Variants in TMEM120B observed in about 807,000 individuals in gnomAD.
TMEM120B encodes transmembrane protein 120B.
In TMEM120B, 31 loss-of-function variants were observed where a neutral mutation model predicts 55.5. That is an observed-to-expected ratio of 0.56 (90% CI 0.42 to 0.75). The LOEUF is 0.75. Among genes scored for constraint, TMEM120B ranks in the 30% least tolerant of loss-of-function variants. TMEM120B has a pLI of 0.00. For missense variants in TMEM120B, 399 were observed against 425.5 expected, an observed-to-expected ratio of 0.94 and a Z score of 0.55; for synonymous variants, 203 against 176.3, an observed-to-expected ratio of 1.15 and a Z score of -1.20.
At chr12:121,751,958 T>G (rs1873344045) in intron 4 of TMEM120B, among the ~76,000 whole-genome samples, 170 bp from the exon 5 acceptor site, 1 of 152,140 alleles carries the variant, frequency 6.6e-6, no homozygotes, top group African/African-American at 2.4e-5. Context: ...TTCCCCTCAT[T>G]GGTCACCACT....
intron 9 of TMEM120B, 74 bp downstream of exon 9, chr12:121,773,587 C>G (rs1874135503): frequency 2.6e-6 from 3 of 1,152,132 alleles, no homozygotes; most frequent in African/African-American, 3.2e-5. Flanking sequence ...GAGTGCAGCC[C>G]TGCGAGCACC....
At chr12:121,717,721 G>A (rs1028946694) in intron 1 of TMEM120B, among the ~76,000 whole-genome samples, 3 of 152,120 alleles carry the variant, frequency 2.0e-5, no homozygotes, top group East Asian at 1.9e-4. Flanking sequence ...GCAGTGGCTC[G>A]ATCTCAGCTC....
intron 5 of TMEM120B, among the ~76,000 whole-genome samples, chr12:121,754,657 A>G (rs541995699): frequency 1.3e-5 from 2 of 152,258 alleles, no homozygotes; most frequent in East Asian, 1.9e-4. Context: ...CTCCTTCCCT[A>G]GTGTAAGGAC....
At chr12:121,730,131 C>T (rs1036826503) in intron 1 of TMEM120B, among the ~76,000 whole-genome samples, 1 of 149,582 alleles carries the variant, frequency 6.7e-6, no homozygotes, top group East Asian at 2.0e-4. Flanking sequence ...TGGTAGCAGG[C>T]GCCTGTAATC....
At chr12:121,758,926 T>G (rs1312410163) in intron 5 of TMEM120B, 1 of 984,198 alleles carries the variant, frequency 1.0e-6, no homozygotes, top group African/African-American at 1.8e-5. Flanking sequence ...GTGGTCACCA[T>G]GGAGGAGGAC....
intron 1 of TMEM120B, among the ~76,000 whole-genome samples, chr12:121,713,615 G>A (rs897178099): frequency 2.0e-5 from 3 of 152,298 alleles, no homozygotes; most frequent in Admixed American, 6.5e-5. Flanking sequence ...CTGGCCCGGA[G>A]CCTTACACGG....
intron 1 of TMEM120B, among the ~76,000 whole-genome samples, chr12:121,735,751 C>T (rs1015203448): frequency 1.3e-5 from 2 of 151,236 alleles, no homozygotes; most frequent in Admixed American, 6.6e-5. Flanking sequence ...AGTGCAGTGG[C>T]GCATTCTCGG....
chr12:121,771,670 G>GA, intron 8 of TMEM120B, 121 bp downstream of exon 8: 1 of 1,034,408 alleles, frequency 9.7e-7, no homozygotes, highest in South Asian at 1.3e-5. Context: ...CAGACTGGGG[G>GA]AGAGGGTCCC....
At position 121,779,420 on chromosome 12, in the gene TMEM120B, G is replaced by A; in HGVS notation, c.*3698G>A. ...ACACCATGAGCTGGAGGGTCGGGAT[G>A]GGGCAGCCTCCCTGGTGCAATCGGC... On this transcript the variant is annotated 3_prime_UTR_variant, in exon 12 of 12. Coordinates refer to ENST00000449592, the MANE Select transcript of TMEM120B (RefSeq NM_001080825.2). The A allele has an allele frequency of 6.7e-7, 1 of 1,502,334 alleles. No individual in the cohort carries two copies. The highest frequency in any genetic ancestry group is 1.2e-5 in the South Asian group (1 of 85,826). 93.1% of individuals were successfully genotyped at this position (1,502,334 alleles called of 1,614,324 possible).
At chr12:121,750,264 C>T (rs1186471366) in intron 3 of TMEM120B, 116 bp from the exon 4 acceptor site, 6 of 973,340 alleles carry the variant, frequency 6.2e-6, no homozygotes, top group Non-Finnish European at 9.8e-6. Flanking sequence ...GAGCTTAGGC[C>T]CCCTATCTTC....
chr12:121,713,612 G>T (rs1373549119), intron 1 of TMEM120B, among the ~76,000 whole-genome samples: 1 of 152,090 alleles, frequency 6.6e-6, no homozygotes, highest in Non-Finnish European at 1.5e-5. Context: ...CTTCTGGCCC[G>T]GAGCCTTACA....
intron 5 of TMEM120B, chr12:121,758,019 T>C: frequency 3.6e-6 from 1 of 277,234 alleles, no homozygotes; most frequent in Non-Finnish European, 5.5e-6. Flanking sequence ...CTTAGGAGTC[T>C]GAGGTGAGAG....
Position 121,779,633 on chromosome 12 carries a change from A to G in TMEM120B, c.*3911A>G. 6.2e-7 allele frequency: 1 copy of G among 1,614,126 alleles called. No individual in the cohort carries two copies. Among genetic ancestry groups the G allele is most frequent in the South Asian group, 1.1e-5 (1 of 91,090 alleles). ...TGGCGGAACATTCCAGGTAGAGAGC[A>G]GCTCGGATCTGTTCGCAGGCGCTCA... On this transcript the variant is annotated 3_prime_UTR_variant, in exon 12 of 12. Coordinates refer to ENST00000449592, the MANE Select transcript of TMEM120B (RefSeq NM_001080825.2).
In TMEM120B at chr12:121,775,512, GT is replaced by G; in HGVS notation, c.907-94del. The G allele has an allele frequency of 6.7e-7, 1 of 1,499,488 alleles. No individual in the cohort carries two copies. Among genetic ancestry groups the G allele is most frequent in the African/African-American group, 1.4e-5 (1 of 72,098 alleles). The allele number at this position is 1,499,488 out of a possible 1,614,324, so 92.9% of individuals were successfully genotyped here. A position where few individuals can be genotyped will look rare whatever the true frequency, so the allele number is the denominator to read the frequency against. ...GATGGCAAAACCCTGCAGTTTGGGA[GT>G]TTGGGGGCAGCTGTGCTGGAGATTC... On this transcript the variant is annotated intron_variant, in intron 11 of 11. Coordinates refer to ENST00000449592, the MANE Select transcript of TMEM120B (RefSeq NM_001080825.2). The surrounding 1 kb of genome is among the most constrained non-coding windows in gnomAD (Gnocchi z 4.3).
intron 1 of TMEM120B, among the ~76,000 whole-genome samples, chr12:121,721,993 G>C (rs1894800727): frequency 6.6e-6 from 1 of 150,466 alleles, no homozygotes; most frequent in Non-Finnish European, 1.5e-5. Flanking sequence ...ATTTTTAGTA[G>C]AGTTTCACCA....
intron 2 of TMEM120B, among the ~76,000 whole-genome samples, chr12:121,744,459 G>A (rs751838462): frequency 2.0e-5 from 3 of 152,192 alleles, no homozygotes; most frequent in Admixed American, 6.5e-5. Flanking sequence ...GTGCCCTGCC[G>A]GACAAGTAAG....
intron 1 of TMEM120B, among the ~76,000 whole-genome samples, chr12:121,729,029 T>C (rs1268316791): frequency 6.6e-6 from 1 of 152,238 alleles, no homozygotes; most frequent in African/African-American, 2.4e-5. Flanking sequence ...GCCTGGGCCA[T>C]GTGCTCTCTC....
intron 1 of TMEM120B, among the ~76,000 whole-genome samples, chr12:121,714,440 A>G (rs1439291593): frequency 4.7e-5 from 7 of 150,068 alleles, no homozygotes; most frequent in South Asian, 2.1e-4. Context: ...GTGTTTTAGT[A>G]GAGATAGGGT....
chr12:121,714,650 C>G lies in TMEM120B; in HGVS notation c.69+1686C>G, dbSNP rs1328141812. The stretch of plus-strand genomic sequence containing the variant: ...GATCGTGGCTCACTGCAACCTCCGC[C>G]TCCCGGATTCAAGCGATTCTCCTGC... On this transcript the variant is annotated intron_variant, in intron 1 of 11. Transcript: ENST00000449592. Among the ~76,000 whole-genome samples, 4 of 150,996 alleles carry G rather than the reference C, an allele frequency of 2.6e-5. No homozygotes were observed. The East Asian group carries it at 5.9e-4, about 22-fold the overall frequency.
Sources: gnomAD v4.1 joint callset for allele counts (sites outside exome capture counted in the v4.1 genomes callset) on GRCh38, gnomAD v4.1.1 for gene constraint, Gnocchi (gnomAD v3.1) non-coding constraint, MANE v1.5 for transcripts, NCBI Gene and HGNC (gene_info 2026-07-23, HGNC 2026-07-21) for gene names.